LIN9: variants seen among roughly 807,000 people sequenced by gnomAD.
The protein encoded by LIN9 is protein lin-9 homolog.
A neutral mutation model predicts 78.0 loss-of-function variants in LIN9; 18 were observed. That is an observed-to-expected ratio of 0.23 (90% CI 0.16 to 0.34). LIN9 has a LOEUF of 0.34. Among genes scored for constraint, LIN9 ranks in the 10% least tolerant of loss-of-function variants. The pLI is 1.00. For missense variants in LIN9, 451 were observed against 644.1 expected (o/e 0.70, Z 3.25); for synonymous variants, 192 against 215.2 (o/e 0.89, Z 0.94).
At position 226,281,970 on chromosome 1, in the gene LIN9, T is replaced by C. The variant is rs1661094009; in HGVS notation, c.525-4038A>G. Among the ~76,000 whole-genome samples, 5 of 152,210 alleles carry C rather than the reference T, an allele frequency of 3.3e-5. No homozygotes were observed. The South Asian group carries it at 1.0e-3, about 32-fold the overall frequency. On this transcript the variant is annotated intron_variant, in intron 6 of 14. Coordinates refer to ENST00000681046, the MANE Select transcript of LIN9 (RefSeq NM_001366245.2). ...GCCTCCCAAAGTGCTGGGATTATAG[T>C]GTTAACCACCGGCGCCCAGCCATTA...
At chr1:226,307,621 T>C (rs185816043) in intron 1 of LIN9, among the ~76,000 whole-genome samples, 3 of 152,196 alleles carry the variant, frequency 2.0e-5, no homozygotes, top group Admixed American at 2.0e-4. Context: ...GGGCAATGAG[T>C]GAAACTCCAT....
intron 10 of LIN9, among the ~76,000 whole-genome samples, chr1:226,253,779 A>G: frequency 6.6e-6 from 1 of 151,894 alleles, no homozygotes; most frequent in East Asian, 1.9e-4. Flanking sequence ...AGCCGGCATG[A>G]TGGCAGGCAC....
intron 6 of LIN9, among the ~76,000 whole-genome samples, chr1:226,285,495 T>C (rs1661335479): frequency 6.6e-6 from 1 of 152,176 alleles, no homozygotes; most frequent in Admixed American, 6.5e-5. Flanking sequence ...CAGACCTTCC[T>C]TGAACTTTCC....
rs568579387 is a variant in LIN9 at position 226,249,807 on chromosome 1, A to G, written c.1119+1032T>C. Among the ~76,000 whole-genome samples the G allele has an allele frequency of 4.6e-5, 7 of 152,328 alleles. No homozygotes were observed. In the South Asian group the frequency reaches 1.2e-3, roughly 27 times the overall value. On this transcript the variant is annotated intron_variant, in intron 11 of 14. Coordinates refer to ENST00000681046, the MANE Select transcript of LIN9 (RefSeq NM_001366245.2). ...CTATTTGCCATCCTACATATCCTTA[A>G]GCAAGATGTGAATTTCATTACAATT...
chr1:226,301,398 G>C (rs532859632), intron 1 of LIN9, among the ~76,000 whole-genome samples, 193 bp from the exon 2 acceptor site: 1 of 152,190 alleles, frequency 6.6e-6, no homozygotes, highest in Non-Finnish European at 1.5e-5. Flanking sequence ...GAAAGAACTG[G>C]AGAGAGACAT....
At chr1:226,267,647 T>C (rs756659599) in intron 8 of LIN9, among the ~76,000 whole-genome samples, 1 of 152,180 alleles carries the variant, frequency 6.6e-6, no homozygotes, top group Non-Finnish European at 1.5e-5. Flanking sequence ...GACTATACTT[T>C]AACCTAACAG....
chr1:226,309,340 G>T, upstream of LIN9: 1 of 993,734 alleles, frequency 1.0e-6, no homozygotes, highest in Non-Finnish European at 1.2e-6. Flanking sequence ...GGGGGGCCGC[G>T]CCTCGCCCCT....
intron 6 of LIN9, among the ~76,000 whole-genome samples, chr1:226,281,414 TTAA>T (rs78426292): frequency 0.24 from 36,085 of 151,918 alleles, 4,495 homozygotes; most frequent in South Asian, 0.33. Flanking sequence ...AAAATTATAG[TTAA>T]TAATTTATTG....
At chr1:226,236,580 C>T (rs1421203902) in intron 12 of LIN9, among the ~76,000 whole-genome samples, 2 of 152,048 alleles carry the variant, frequency 1.3e-5, no homozygotes, top group Admixed American at 6.5e-5. Context: ...CTCAGCCTCC[C>T]GAGTAGCTGG....
rs377559761 is a variant in LIN9 at position 226,243,214 on chromosome 1, CA to C, written c.1120-4119del. Among the ~76,000 whole-genome samples, 324 of 152,192 alleles carry C rather than the reference CA, an allele frequency of 2.1e-3. 1 individual carries two copies. The highest frequency in any genetic ancestry group is 7.2e-3 in the African/African-American group (299 of 41,520). ...TTAATATAAATGGCCAATTAAAATA[CA>C]AAAAGATGCTTAATTCCACTAGTAG... On this transcript the variant is annotated intron_variant, in intron 11 of 14. Coordinates refer to ENST00000681046, the MANE Select transcript of LIN9 (RefSeq NM_001366245.2).
chr1:226,246,088 T>C (rs1037437107), intron 11 of LIN9, among the ~76,000 whole-genome samples: 1 of 152,240 alleles, frequency 6.6e-6, no homozygotes, highest in Non-Finnish European at 1.5e-5. Flanking sequence ...ATGTGTCACT[T>C]AGATTAATCC....
chr1:226,260,948 A>G (rs1659548461), intron 10 of LIN9, among the ~76,000 whole-genome samples: 1 of 151,774 alleles, frequency 6.6e-6, no homozygotes, highest in African/African-American at 2.4e-5. Context: ...CCCGGCCCCA[A>G]GTGAGATTTA....
chr1:226,309,027 C>T (rs1663107473), intron 1 of LIN9, 82 bp downstream of exon 1: 1 of 1,271,588 alleles, frequency 7.9e-7, no homozygotes. Flanking sequence ...CAGCGGAGGG[C>T]ACGGCCGTCC....
Position 226,301,323 on chromosome 1 carries a change from T to C in LIN9, c.32-118A>G, listed in dbSNP as rs566829168. On this transcript the variant is annotated intron_variant, in intron 1 of 14. Coordinates refer to ENST00000681046, the MANE Select transcript of LIN9 (RefSeq NM_001366245.2). ...TTTAGTAATGTTGAGTTTGAAGAGA[T>C]GGTGGAATGTGCAATTCGAAATATC... 64 of 661,800 alleles carry C rather than the reference T, an allele frequency of 9.7e-5. 1 individual carries two copies. The highest frequency in any genetic ancestry group is 8.1e-4 in the South Asian group (43 of 53,142). The allele number at this position is 661,800 out of a possible 1,614,324, so 41.0% of individuals were successfully genotyped here. A position where few individuals can be genotyped will look rare whatever the true frequency, so the allele number is the denominator to read the frequency against.
At chr1:226,304,871 T>C (rs1662802170) in intron 1 of LIN9, among the ~76,000 whole-genome samples, 1 of 152,060 alleles carries the variant, frequency 6.6e-6, no homozygotes, top group African/African-American at 2.4e-5. Context: ...TAGCTGCCAC[T>C]AGGAAGTTAC....
chr1:226,242,722 C>G (rs937036148), intron 11 of LIN9, among the ~76,000 whole-genome samples: 2 of 152,110 alleles, frequency 1.3e-5, no homozygotes, highest in African/African-American at 4.8e-5. Flanking sequence ...AGTGTGCCTG[C>G]TTCTCCTGCC....
chr1:226,301,738 A>G (rs1201101475), intron 1 of LIN9, among the ~76,000 whole-genome samples: 2 of 152,210 alleles, frequency 1.3e-5, no homozygotes, highest in Non-Finnish European at 2.9e-5. Context: ...GGGCTAGAAT[A>G]AAGTTGGAGG....
At chr1:226,232,733 CTAATA>C in intron 14 of LIN9, 127 bp from the exon 15 acceptor site, 1 of 567,716 alleles carries the variant, frequency 1.8e-6, no homozygotes, top group Non-Finnish European at 3.1e-6. Context: ...TAAATCTCCT[CTAATA>C]TATTAGCCAT....
intron 7 of LIN9, among the ~76,000 whole-genome samples, chr1:226,276,448 A>T (rs1241838021): frequency 6.6e-6 from 1 of 152,214 alleles, no homozygotes; most frequent in Admixed American, 6.5e-5. Flanking sequence ...TGTTGATTAC[A>T]CAGTGAGTTG....
Sources: gnomAD v4.1 joint callset for allele counts (sites outside exome capture counted in the v4.1 genomes callset) on GRCh38, gnomAD v4.1.1 for gene constraint, MANE v1.5 for transcripts, NCBI Gene and HGNC (gene_info 2026-07-23, HGNC 2026-07-21) for gene names.